Variants in TLL1 observed in about 807,000 individuals in gnomAD.
The protein encoded by TLL1 is tolloid-like protein 1.
In TLL1, 49 loss-of-function variants were observed where a neutral mutation model predicts 128.2. The observed-to-expected ratio is 0.38, with a 90% confidence interval of 0.30 to 0.48. The LOEUF is 0.48. Ranked by LOEUF, TLL1 falls within the 20% of genes least tolerant of loss-of-function variation. TLL1 has a pLI of 0.96. For missense variants in TLL1, 1,123 were observed against 1,242.0 expected (o/e 0.90, Z 1.44); for synonymous variants, 454 against 418.8 (o/e 1.08, Z -1.03).
At chr4:165,944,289 C>T (rs959385702) in intron 1 of TLL1, among the ~76,000 whole-genome samples, 3 of 152,146 alleles carry the variant, frequency 2.0e-5, no homozygotes, top group South Asian at 2.1e-4. Flanking sequence ...GCAGTCTATG[C>T]GTCTAACAAA....
intron 5 of TLL1, among the ~76,000 whole-genome samples, chr4:165,999,640 A>ATT (rs34111701): frequency 2.8e-5 from 4 of 145,382 alleles, no homozygotes; most frequent in Admixed American, 1.4e-4. Flanking sequence ...TAATTTTTGT[A>ATT]TTTTTTTTTT....
At chr4:166,047,771 A>T (rs1373520829) in intron 12 of TLL1, among the ~76,000 whole-genome samples, 3 of 152,098 alleles carry the variant, frequency 2.0e-5, no homozygotes, top group Non-Finnish European at 4.4e-5. Flanking sequence ...TAGAATCTTG[A>T]TGCCTCTGTA....
In TLL1 at chr4:165,994,477, C is replaced by T. The variant is rs115824698; in HGVS notation, c.458C>T (p.Thr153Met). 360 of 1,613,972 alleles carry T rather than the reference C, an allele frequency of 2.2e-4. 3 individuals are homozygous for T. In the East Asian group the frequency reaches 6.8e-3, roughly 31 times the overall value. The change falls in exon 4 of 21, where the codon ACG becomes ATG. Residue 153 changes from threonine (T) to methionine (M), a missense_variant. Physicochemically the swap from Thr to Met is moderately conservative, Grantham distance 81. Around this residue, in one of 3 missense-constraint regions of TLL1, gnomAD observed 480 missense variants for 542.4 expected, o/e 0.89. Coordinates refer to ENST00000061240, the MANE Select transcript of TLL1 (RefSeq NM_012464.5). ...NRVPRAATSRTERIWPGGVIP... is the reference protein window; with the variant it reads ...NRVPRAATSRMERIWPGGVIP... ...GTTCCCAGAGCCGCTACATCAAGAA[C>T]GGAAAGAATATGGCCTGGAGGCGTT...
rs1730609035 is a variant in TLL1, at chr4:165,873,995, C to T, written c.91C>T (p.Leu31Phe). 6 of 1,614,010 alleles carry T rather than the reference C, an allele frequency of 3.7e-6. No individual in the cohort carries two copies. Among genetic ancestry groups the T allele is most frequent in the Non-Finnish European group, 4.2e-6 (5 of 1,180,028 alleles). The change falls in exon 1 of 21, where the codon CTC becomes TTC. Residue 31 changes from leucine (L) to phenylalanine (F), a missense_variant. This residue lies in a region of TLL1 where 480 missense variants were observed against 542.4 expected (regional missense o/e 0.89). Coordinates refer to ENST00000061240, the MANE Select transcript of TLL1 (RefSeq NM_012464.5). ...FYGELWVCAG[L>F]DYDYTFDGNE... ...CGGGGAGCTATGGGTCTGCGCTGGC[C>T]TCGATTATGATTACACTTTTGATGG...
chr4:165,955,640 A>C (rs946524276), intron 1 of TLL1, among the ~76,000 whole-genome samples: 5 of 152,174 alleles, frequency 3.3e-5, no homozygotes, highest in Non-Finnish European at 7.4e-5. Context: ...TATATTCAGC[A>C]TCTTTATTGA....
rs115347351 is a variant in TLL1, at chr4:165,980,127, C to T, written c.170-9254C>T. Among the ~76,000 whole-genome samples, 1,068 of 152,272 alleles carry T rather than the reference C, an allele frequency of 7.0e-3. 12 individuals carry two copies. The highest frequency in any genetic ancestry group is 0.024 in the African/African-American group (1,016 of 41,554). ...GTTCTGGCTCCATGTTTAACAAGCA[C>T]TCTTCCGAGCATGGTTTTTCTTCAC... On this transcript the variant is annotated intron_variant, in intron 1 of 20. Transcript: ENST00000061240.
Position 165,913,508 on chromosome 4 carries a change from T to C in TLL1, c.169+39435T>C, listed in dbSNP as rs980362792. 6.6e-5 allele frequency among the ~76,000 whole-genome samples: 10 copies of C among 152,348 alleles called. 1 individual carries two copies. The highest frequency in any genetic ancestry group is 2.6e-4 in the Admixed American group (4 of 15,308). The stretch of plus-strand genomic sequence containing the variant: ...GGGCAAAGCTGATCCTTTTTAGGTA[T>C]GAAGGTCTAGTTGAAAATATGTAAG... On this transcript the variant is annotated intron_variant, in intron 1 of 20. Transcript: ENST00000061240.
intron 1 of TLL1, among the ~76,000 whole-genome samples, chr4:165,926,370 AT>A (rs1220621580): frequency 1.3e-5 from 2 of 152,212 alleles, no homozygotes; most frequent in African/African-American, 4.8e-5. Context: ...ACTTAAATGC[AT>A]TTTAAACACG....
intron 12 of TLL1, among the ~76,000 whole-genome samples, chr4:166,053,487 G>A (rs1467192300): frequency 2.6e-5 from 4 of 152,272 alleles, no homozygotes; most frequent in East Asian, 3.9e-4. Flanking sequence ...CAGAGAGAGT[G>A]CCTAGTGGAG....
At chr4:166,007,549 G>T (rs1737495067) in intron 6 of TLL1, among the ~76,000 whole-genome samples, 2 of 151,722 alleles carry the variant, frequency 1.3e-5, no homozygotes, top group Non-Finnish European at 1.5e-5. Context: ...GATGATTTTT[G>T]TATGACCTGG....
At chr4:166,081,515 C>T (rs1032386062) in intron 18 of TLL1, among the ~76,000 whole-genome samples, 8 of 152,140 alleles carry the variant, frequency 5.3e-5, no homozygotes, top group African/African-American at 1.7e-4. Context: ...AAGCTCCCCT[C>T]GTATCTGCAG....
chr4:165,991,030 A>T (rs908718064), intron 2 of TLL1, among the ~76,000 whole-genome samples: 1 of 152,034 alleles, frequency 6.6e-6, no homozygotes, highest in African/African-American at 2.4e-5. Context: ...ATACAACAAT[A>T]AAATGCTAGA....
rs1450720605 is a variant in TLL1, at chr4:165,940,566, A to G, written c.170-48815A>G. ...ATTCATTAAAGAGGTTGGTAATTTT[A>G]TGGTGGCTGAATTCGTTATATGAAA... is the stretch of plus-strand genomic sequence containing the variant. On this transcript the variant is annotated intron_variant, in intron 1 of 20. Coordinates refer to ENST00000061240, the MANE Select transcript of TLL1 (RefSeq NM_012464.5). 2.6e-5 allele frequency among the ~76,000 whole-genome samples: 4 copies of G among 152,194 alleles called. No individual in the cohort carries two copies. The East Asian group carries it at 7.7e-4, about 29-fold the overall frequency.
At chr4:165,914,416 T>C (rs950071730) in intron 1 of TLL1, among the ~76,000 whole-genome samples, 2 of 152,204 alleles carry the variant, frequency 1.3e-5, no homozygotes, top group Non-Finnish European at 2.9e-5. Flanking sequence ...AGAGGCATGA[T>C]GTTTAAGCTA....
intron 18 of TLL1, among the ~76,000 whole-genome samples, chr4:166,081,737 T>A (rs1054292840): frequency 1.4e-5 from 2 of 147,320 alleles, no homozygotes; most frequent in African/African-American, 5.0e-5. Flanking sequence ...CAATCAAAGT[T>A]GTTATTTTTT....
intron 1 of TLL1, among the ~76,000 whole-genome samples, chr4:165,879,824 G>A (rs6816915): frequency 0.58 from 88,446 of 151,658 alleles, 26,987 homozygotes; most frequent in East Asian, 0.87. Context: ...GCCAGGACTC[G>A]GGGGCCTGGC....
chr4:166,102,833 A>G lies in TLL1; in HGVS notation c.*1957A>G, dbSNP rs958318339. 1.3e-5 allele frequency: 2 copies of G among 151,958 alleles called. No homozygotes were observed. Among genetic ancestry groups the G allele is most frequent in the African/African-American group, 2.4e-5 (1 of 41,428 alleles). 9.4% of individuals were successfully genotyped at this position (151,958 alleles called of 1,614,324 possible). A position where few individuals can be genotyped will look rare whatever the true frequency, so the allele number is the denominator to read the frequency against. ...TGAAAATGTATAACTATTGCCTGCA[A>G]TGTAGATGAGCCTTTTAGTAGAGCT... On this transcript the variant is annotated 3_prime_UTR_variant, in exon 21 of 21. Transcript: ENST00000061240.
intron 12 of TLL1, among the ~76,000 whole-genome samples, chr4:166,050,911 GTC>G (rs1739689769): frequency 1.3e-5 from 2 of 152,148 alleles, no homozygotes; most frequent in African/African-American, 4.8e-5. Context: ...CTTCTGACTA[GTC>G]TTTGTACATG....
At chr4:166,034,330 G>A (rs1430419538) in intron 9 of TLL1, among the ~76,000 whole-genome samples, 1 of 152,102 alleles carries the variant, frequency 6.6e-6, no homozygotes, top group South Asian at 2.1e-4. Flanking sequence ...AGTCCACATA[G>A]AATTATGTTC....
Sources: gnomAD v4.1 joint callset for allele counts (sites outside exome capture counted in the v4.1 genomes callset) on GRCh38, gnomAD v4.1.1 for gene constraint, gnomAD v4.1.1 regional missense constraint, MANE v1.5 for transcripts, NCBI Gene and HGNC (gene_info 2026-07-23, HGNC 2026-07-21) for gene names.